Variants in NBAS observed in about 807,000 individuals in gnomAD.
NBAS encodes NBAS subunit of NRZ tethering complex.
Under a neutral mutation model 302.5 loss-of-function variants are expected in NBAS, and 219 were observed. The ratio of observed to expected loss-of-function variants is 0.72; its 90% CI spans 0.65 to 0.81. NBAS has a LOEUF of 0.81. NBAS is among the 30% of genes least tolerant of loss of function. NBAS has a pLI of 0.00. For missense variants in NBAS, 2,932 were observed against 2,841.6 expected, an observed-to-expected ratio of 1.03 and a Z score of -0.72; for synonymous variants, 1,118 against 1,021.6, an observed-to-expected ratio of 1.09 and a Z score of -1.80.
chr2:15,220,880 G>A (rs1271948456), intron 47 of NBAS, among the ~76,000 whole-genome samples: 5 of 151,942 alleles, frequency 3.3e-5, no homozygotes, highest in Non-Finnish European at 7.4e-5. Context: ...CTTCTGAGAA[G>A]AATACAATTC....
At chr2:14,937,396 G>A in the NBAS span, among the ~76,000 whole-genome samples, 1 of 152,140 alleles carries the variant, frequency 6.6e-6, no homozygotes, top group Non-Finnish European at 1.5e-5. Context: ...TTTACAGATA[G>A]GCAGCAGAAG....
At chr2:15,348,191 G>A (rs139359439) in intron 35 of NBAS, among the ~76,000 whole-genome samples, 231 of 152,250 alleles carry the variant, frequency 1.5e-3, no homozygotes, top group South Asian at 9.5e-3. Flanking sequence ...GCCGTAATGC[G>A]TGCATTGCAG....
the NBAS span, among the ~76,000 whole-genome samples, chr2:14,789,025 G>C: frequency 2.0e-5 from 3 of 152,226 alleles, no homozygotes; most frequent in Non-Finnish European, 4.4e-5. Flanking sequence ...CCTAAGCAAG[G>C]CTGGGCAATG....
chr2:15,447,990 G>A (rs1558348811), intron 21 of NBAS, among the ~76,000 whole-genome samples: 1 of 152,144 alleles, frequency 6.6e-6, no homozygotes. Flanking sequence ...TCCTCACATG[G>A]TGAAAGGAAC....
At chr2:15,528,484 A>C (rs1266806163) in intron 9 of NBAS, among the ~76,000 whole-genome samples, 2 of 137,084 alleles carry the variant, frequency 1.5e-5, no homozygotes, top group Admixed American at 7.9e-5. Context: ...ATATGTTTAG[A>C]TATGTAAATG....
the NBAS span, among the ~76,000 whole-genome samples, chr2:14,807,326 T>C: frequency 2.0e-5 from 3 of 152,230 alleles, no homozygotes; most frequent in Admixed American, 6.5e-5. Flanking sequence ...GTTTCTCTTG[T>C]AAAGCTATTT....
At chr2:15,287,417 CT>C (rs200337180) in intron 41 of NBAS, among the ~76,000 whole-genome samples, 1 of 152,184 alleles carries the variant, frequency 6.6e-6, no homozygotes, top group East Asian at 1.9e-4. Context: ...TAGTTCTCAA[CT>C]GTGGATGATT....
At chr2:15,536,579 TAAA>T (rs57935128) in intron 7 of NBAS, 28 bp from the exon 8 acceptor site, 4 of 1,333,006 alleles carry the variant, frequency 3.0e-6, no homozygotes, top group Admixed American at 2.1e-5. Context: ...ATTAAGTTAC[TAAA>T]AAAAAAAAAA....
chr2:14,972,980 G>C, the NBAS span, among the ~76,000 whole-genome samples: 1 of 152,326 alleles, frequency 6.6e-6, no homozygotes, highest in South Asian at 2.1e-4. Flanking sequence ...AAAGGCCACT[G>C]TGTCCTTGGA....
At chr2:14,937,484 C>T in the NBAS span, among the ~76,000 whole-genome samples, 1 of 152,152 alleles carries the variant, frequency 6.6e-6, no homozygotes, top group African/African-American at 2.4e-5. Flanking sequence ...TGAGTTTCAC[C>T]TGCATGTGTC....
chr2:15,499,554 C>G (rs931102897), intron 11 of NBAS, among the ~76,000 whole-genome samples: 6 of 151,970 alleles, frequency 3.9e-5, no homozygotes, highest in African/African-American at 1.5e-4. Context: ...TAAGTAGGAG[C>G]TAAATGATGA....
the NBAS span, among the ~76,000 whole-genome samples, chr2:14,946,317 A>G: frequency 6.6e-6 from 1 of 152,290 alleles, no homozygotes; most frequent in East Asian, 1.9e-4. Context: ...CAAAGAGATG[A>G]TCCTAAAAGC....
the NBAS span, among the ~76,000 whole-genome samples, chr2:14,831,884 A>G: frequency 6.6e-6 from 1 of 152,214 alleles, no homozygotes; most frequent in Non-Finnish European, 1.5e-5. Context: ...TAGATACTCC[A>G]TAGACATTAG....
At chr2:14,837,508 T>C in the NBAS span, among the ~76,000 whole-genome samples, 3 of 151,648 alleles carry the variant, frequency 2.0e-5, no homozygotes, top group East Asian at 1.9e-4. Context: ...CTTCAATACT[T>C]ATCTGGTAGA....
intron 9 of NBAS, among the ~76,000 whole-genome samples, chr2:15,520,978 A>G (rs1267010073): frequency 6.6e-6 from 1 of 152,252 alleles, no homozygotes; most frequent in Non-Finnish European, 1.5e-5. Context: ...TTCAGCATAT[A>G]TAAGTATCTG....
the NBAS span, among the ~76,000 whole-genome samples, chr2:14,969,500 C>T: frequency 2.6e-5 from 4 of 152,092 alleles, no homozygotes. Context: ...CCTCAGCCTC[C>T]TGGGTAGCTG....
chr2:15,058,694 A>T, the NBAS span, among the ~76,000 whole-genome samples: 2 of 152,230 alleles, frequency 1.3e-5, no homozygotes, highest in Admixed American at 1.3e-4. Context: ...AGCAGCTGGG[A>T]TTATGGGGTC....
intron 25 of NBAS, among the ~76,000 whole-genome samples, chr2:15,404,262 C>T (rs76674377): frequency 8.3e-4 from 127 of 152,244 alleles, no homozygotes; most frequent in African/African-American, 3.0e-3. Flanking sequence ...AGAGCCTAAA[C>T]TAAGCAAGAC....
chr2:15,099,692 G>A, the NBAS span, among the ~76,000 whole-genome samples: 1 of 151,804 alleles, frequency 6.6e-6, no homozygotes, highest in Non-Finnish European at 1.5e-5. Context: ...GATCCTGTTG[G>A]GAAAGCAATA....
Sources: allele counts gnomAD v4.1 joint callset (sites outside exome capture counted in the v4.1 genomes callset), GRCh38; gene constraint gnomAD v4.1.1; transcripts MANE v1.5; gene names NCBI Gene and HGNC (gene_info 2026-07-23, HGNC 2026-07-21).